Variants in GAS1 observed in about 807,000 individuals in gnomAD.
The protein encoded by GAS1 is growth arrest specific 1, also known as growth arrest-specific protein 1.
Under a neutral mutation model 21.6 loss-of-function variants are expected in GAS1, and 10 were observed. The observed-to-expected ratio is 0.46, with a 90% CI of 0.29 to 0.79. The LOEUF (loss-of-function observed/expected upper bound fraction) is 0.79. Among genes scored for constraint, GAS1 ranks in the 30% least tolerant of loss-of-function variants. The pLI is 0.10. For missense variants in GAS1, 567 were observed against 544.3 expected, an observed-to-expected ratio of 1.04 and a Z score of -0.42; for synonymous variants, 332 against 264.0, an observed-to-expected ratio of 1.26 and a Z score of -2.50.
chr9:86,944,685 T>A lies in GAS1; in HGVS notation c.*1057A>T, dbSNP rs943300944. The A allele has an allele frequency of 5.9e-5, 9 of 152,318 alleles. No homozygotes were observed. The East Asian group carries it at 1.5e-3, about 26-fold the overall frequency. 9.4% of individuals were successfully genotyped at this position (152,318 alleles called of 1,614,324 possible). On this transcript the variant is annotated 3_prime_UTR_variant, in exon 1 of 1. Transcript: ENST00000298743. ...CTATACATTTCAGGGGGGAAAGGTG[T>A]AATATGGATGTGAGTTTAAAACTTT...
Position 86,946,784 on chromosome 9 carries a change from G to T in GAS1, c.-5C>A. On this transcript the variant is annotated 5_prime_UTR_variant, in exon 1 of 1. Coordinates refer to ENST00000298743, the MANE Select transcript of GAS1 (RefSeq NM_002048.3). The surrounding 1 kb of genome is among the most constrained non-coding windows in gnomAD (Gnocchi z 5.2). ...GCCCAGCAGCGCGGCCACCATCGCG[G>T]GCAGCGGCGGCCGCCGGGAGAGGAG... The T allele has an allele frequency of 1.1e-6, 1 of 894,554 alleles. No homozygotes were observed. 55.4% of individuals were successfully genotyped at this position (894,554 alleles called of 1,614,324 possible).
At position 86,945,898 on chromosome 9, in the gene GAS1, C is replaced by T. The variant is rs1417779690; in HGVS notation, c.882G>A (p.Pro294=). The T allele has an allele frequency of 2.0e-6, 3 of 1,527,924 alleles. No individual in the cohort carries two copies. The highest frequency in any genetic ancestry group is 2.5e-5 in the East Asian group (1 of 39,544). The allele number at this position is 1,527,924 out of a possible 1,614,324, so 94.6% of individuals were successfully genotyped here. ...ATGCAGCAGCGCCGCTGCCCGGGCG[C>T]GGTGGGTGCGGGACGCCGTCGTCGT... The part of the protein sequence containing the change: ...LDDDDGVPHP[P]RPGSGAAASG... Residue 294 remains proline (P), a synonymous_variant, in exon 1 of 1, where the codon CCG becomes CCA. Transcript: ENST00000298743.
At position 86,946,552 on chromosome 9, in the gene GAS1, C is replaced by T. The variant is rs1825494300; in HGVS notation, c.228G>A (p.Leu76=). ...NQYAEACAPV[L]AQHGGGDAPG... is the part of the protein sequence containing the mutation. ...GCGCGTCGCCCCCGCCGTGCTGCGC[C>T]AGCACCGGCGCGCACGCCTCGGCGT... Residue 76 remains leucine (L), a synonymous_variant, in exon 1 of 1, where the codon CTG becomes CTA. Coordinates refer to ENST00000298743, the MANE Select transcript of GAS1 (RefSeq NM_002048.3). The surrounding 1 kb of genome is among the most constrained non-coding windows in gnomAD (Gnocchi z 5.2). The T allele has an allele frequency of 7.2e-7, 1 of 1,394,862 alleles. No homozygotes were observed. 86.4% of individuals were successfully genotyped at this position (1,394,862 alleles called of 1,614,324 possible).
rs1171127074 is a variant in GAS1 at position 86,947,268 on chromosome 9, GC to G, written c.-490del. 6.6e-6 allele frequency: 1 copy of G among 151,824 alleles called. No homozygotes were observed. The highest frequency in any genetic ancestry group is 1.5e-5 in the Non-Finnish European group (1 of 68,076). The allele number at this position is 151,824 out of a possible 1,614,324, so 9.4% of individuals were successfully genotyped here. A position where few individuals can be genotyped will look rare whatever the true frequency, so the allele number is the denominator to read the frequency against. ...CACCGCCGCCGCGGTCTCTCGCATC[GC>G]GCCGCTTCCTGGCCCGGCGTCCGCG... On this transcript the variant is annotated 5_prime_UTR_variant, in exon 1 of 1. Transcript: ENST00000298743.
Position 86,946,093 on chromosome 9 carries a change from C to G in GAS1, c.687G>C (p.Arg229=), listed in dbSNP as rs1563988714. The G allele has an allele frequency of 6.2e-7, 1 of 1,608,026 alleles. No homozygotes were observed. Among genetic ancestry groups the G allele is most frequent in the Non-Finnish European group, 8.5e-7 (1 of 1,179,630 alleles). Residue 229 remains arginine, a synonymous_variant, in exon 1 of 1, where the codon CGG becomes CGC. Coordinates refer to ENST00000298743, the MANE Select transcript of GAS1 (RefSeq NM_002048.3). The surrounding 1 kb of genome is among the most constrained non-coding windows in gnomAD (Gnocchi z 5.2). ...TCTCCTTGACCGACTCGCAGATGGG[C>G]CGCTCGAGGCCGTCGCACACGCAGT... is the stretch of plus-strand genomic sequence containing the variant. ...LNDCVCDGLE[R]PICESVKENM...
At position 86,947,310 on chromosome 9, in the gene GAS1, C is replaced by A. The variant is rs943065524; in HGVS notation, c.-531G>T. On this transcript the variant is annotated 5_prime_UTR_variant, in exon 1 of 1. Coordinates refer to ENST00000298743, the MANE Select transcript of GAS1 (RefSeq NM_002048.3). ...GGCGTCCGCGCGCTGCCCGCCTTCC[C>A]GCGGCCCGGCCGCCCCGCGTCCCCT... The A allele has an allele frequency of 8.7e-4, 132 of 152,356 alleles. No individual in the cohort carries two copies. Among genetic ancestry groups the A allele is most frequent in the Non-Finnish European group, 1.8e-3 (123 of 68,268 alleles). 9.4% of individuals were successfully genotyped at this position (152,356 alleles called of 1,614,324 possible). A position where few individuals can be genotyped will look rare whatever the true frequency, so the allele number is the denominator to read the frequency against.
In GAS1 at chr9:86,946,145, G is replaced by A. The variant is rs768276315; in HGVS notation, c.635C>T (p.Ala212Val). ...GTTGAGCAGCGCCGCCTTGGGCATA[G>A]CCAGCATGTCCTCAATGACGGTGCG... is the stretch of plus-strand genomic sequence containing the variant. ...ECRTVIEDML[A>V]MPKAALLNDC... is the part of the protein sequence containing the mutation. The change falls in exon 1 of 1, where the codon GCT becomes GTT. Residue 212 changes from alanine (A) to valine (V), a missense_variant. Physicochemically the swap from Ala to Val is moderately conservative, Grantham distance 64 (BLOSUM62 0). Coordinates refer to ENST00000298743, the MANE Select transcript of GAS1 (RefSeq NM_002048.3). The surrounding 1 kb of genome is among the most constrained non-coding windows in gnomAD (Gnocchi z 5.2). The A allele has an allele frequency of 2.5e-6, 4 of 1,608,968 alleles. No homozygotes were observed. The highest frequency in any genetic ancestry group is 1.3e-5 in the African/African-American group (1 of 74,994).
In GAS1 at chr9:86,946,702, C is replaced by G. The variant is rs1228762088; in HGVS notation, c.78G>C (p.Ala26=). 1 of 1,403,446 alleles carries G rather than the reference C, an allele frequency of 7.1e-7. No individual in the cohort carries two copies. Among genetic ancestry groups the G allele is most frequent in the East Asian group, 3.2e-5 (1 of 31,148 alleles). 86.9% of individuals were successfully genotyped at this position (1,403,446 alleles called of 1,614,324 possible). The change falls in exon 1 of 1, where the codon GCG becomes GCC. Residue 26 remains alanine, a synonymous_variant. Coordinates refer to ENST00000298743, the MANE Select transcript of GAS1 (RefSeq NM_002048.3). This position sits in a 1 kb window ranked among gnomAD's most constrained non-coding sequence, Gnocchi z 5.2. ...TVPGAWLCLM[A]LLQLLGSAPR... ...GCGCCGAGCCCAGCAGCTGCAGCAG[C>G]GCCATCAGGCACAGCCAGGCGCCCG...
chr9:86,945,319 A>G lies in GAS1; in HGVS notation c.*423T>C, dbSNP rs540185157. On this transcript the variant is annotated 3_prime_UTR_variant, in exon 1 of 1. Transcript: ENST00000298743. The stretch of plus-strand genomic sequence containing the variant: ...CCTCAAAGGAAATATGCTAATAGAC[A>G]GCCCCTTTGCAAATATAATTCCTCC... The G allele has an allele frequency of 6.3e-6, 1 of 157,900 alleles. No homozygotes were observed. Among genetic ancestry groups the G allele is most frequent in the Admixed American group, 6.5e-5 (1 of 15,456 alleles). The allele number at this position is 157,900 out of a possible 1,614,324, so 9.8% of individuals were successfully genotyped here. A position where few individuals can be genotyped will look rare whatever the true frequency, so the allele number is the denominator to read the frequency against.
rs1376813568 is a variant in GAS1 at position 86,944,724 on chromosome 9, AAAAT to A, written c.*1014_*1017del. 1 of 152,216 alleles carries A rather than the reference AAAAT, an allele frequency of 6.6e-6. No homozygotes were observed. Among genetic ancestry groups the A allele is most frequent in the East Asian group, 1.9e-4 (1 of 5,200 alleles). 9.4% of individuals were successfully genotyped at this position (152,216 alleles called of 1,614,324 possible). A position where few individuals can be genotyped will look rare whatever the true frequency, so the allele number is the denominator to read the frequency against. ...GTTTAAAACTTTTAATTTCTTTTTA[AAAAT>A]AAATTATTTCTGAAGCATACAATTT... is the stretch of plus-strand genomic sequence containing the variant. On this transcript the variant is annotated 3_prime_UTR_variant, in exon 1 of 1. Transcript: ENST00000298743.
In GAS1 at chr9:86,945,736, C is replaced by A; in HGVS notation, c.*6G>T. On this transcript the variant is annotated 3_prime_UTR_variant, in exon 1 of 1. Coordinates refer to ENST00000298743, the MANE Select transcript of GAS1 (RefSeq NM_002048.3). ...CTCCCGCAGCCAACGGCGGGGGGCG[C>A]GAGGGCTAAAAGAGCGGCCCAAGCA... 1.3e-6 allele frequency: 2 copies of A among 1,510,212 alleles called. No homozygotes were observed. The highest frequency in any genetic ancestry group is 1.8e-6 in the Non-Finnish European group (2 of 1,126,672). 93.6% of individuals were successfully genotyped at this position (1,510,212 alleles called of 1,614,324 possible). A position where few individuals can be genotyped will look rare whatever the true frequency, so the allele number is the denominator to read the frequency against.
At position 86,946,802 on chromosome 9, in the gene GAS1, G is replaced by A. The variant is rs1330182383; in HGVS notation, c.-23C>T. On this transcript the variant is annotated 5_prime_UTR_variant, in exon 1 of 1. Coordinates refer to ENST00000298743, the MANE Select transcript of GAS1 (RefSeq NM_002048.3). The surrounding 1 kb of genome is among the most constrained non-coding windows in gnomAD (Gnocchi z 5.2). ...CATCGCGGGCAGCGGCGGCCGCCGGGAGAGGAGGGGAAAGGAGACGAGGCG... is the reference window on the plus strand; with the variant it reads ...CATCGCGGGCAGCGGCGGCCGCCGGAAGAGGAGGGGAAAGGAGACGAGGCG... The A allele has an allele frequency of 5.5e-6, 4 of 721,558 alleles. No homozygotes were observed. The highest frequency in any genetic ancestry group is 8.1e-6 in the Non-Finnish European group (4 of 493,430). 44.7% of individuals were successfully genotyped at this position (721,558 alleles called of 1,614,324 possible). A position where few individuals can be genotyped will look rare whatever the true frequency, so the allele number is the denominator to read the frequency against.
Position 86,946,520 on chromosome 9 carries a change from GC to G in GAS1, c.259del (p.Ala87ProfsTer97). On this transcript the variant is annotated frameshift_variant, in exon 1 of 1. Transcript: ENST00000298743. LOFTEE classifies it high-confidence loss of function. The surrounding 1 kb of genome is among the most constrained non-coding windows in gnomAD (Gnocchi z 5.2). ...CGAGGCCGGGAAAGCGGCGGCGGCG[GC>G]CCCGGGCGCGTCGCCCCCGCCGTGC... is the stretch of plus-strand genomic sequence containing the variant. ...AQHGGGDAPG[A>X]AAAAFPASAA... 1 of 1,429,368 alleles carries G rather than the reference GC, an allele frequency of 7.0e-7. No homozygotes were observed. Among genetic ancestry groups the G allele is most frequent in the East Asian group, 3.1e-5 (1 of 32,088 alleles). The allele number at this position is 1,429,368 out of a possible 1,614,324, so 88.5% of individuals were successfully genotyped here. A position where few individuals can be genotyped will look rare whatever the true frequency, so the allele number is the denominator to read the frequency against.
In GAS1 at chr9:86,946,675, C is replaced by T; in HGVS notation, c.105G>A (p.Pro35=). The T allele has an allele frequency of 7.0e-7, 1 of 1,423,072 alleles. No individual in the cohort carries two copies. The highest frequency in any genetic ancestry group is 9.2e-7 in the Non-Finnish European group (1 of 1,087,772). 88.2% of individuals were successfully genotyped at this position (1,423,072 alleles called of 1,614,324 possible). ...GGCCGTGCGCCAGCCCCGATCCCCG[C>T]GGCGCCGAGCCCAGCAGCTGCAGCA... is the stretch of plus-strand genomic sequence containing the variant. ...MALLQLLGSA[P]RGSGLAHGRR... Residue 35 remains proline (P), a synonymous_variant, in exon 1 of 1, where the codon CCG becomes CCA. Transcript: ENST00000298743. This position sits in a 1 kb window ranked among gnomAD's most constrained non-coding sequence, Gnocchi z 5.2.
In GAS1 at chr9:86,946,378, C is replaced by G. The variant is rs771173456; in HGVS notation, c.402G>C (p.Glu134Asp). The G allele has an allele frequency of 6.8e-7, 1 of 1,477,394 alleles. No homozygotes were observed. The highest frequency in any genetic ancestry group is 1.3e-5 in the South Asian group (1 of 79,402). 91.5% of individuals were successfully genotyped at this position (1,477,394 alleles called of 1,614,324 possible). A position where few individuals can be genotyped will look rare whatever the true frequency, so the allele number is the denominator to read the frequency against. Residue 134 changes from glutamate to aspartate, a missense_variant, in exon 1 of 1, where the codon GAG (glutamate) becomes GAC (aspartate). Transcript: ENST00000298743. This position sits in a 1 kb window ranked among gnomAD's most constrained non-coding sequence, Gnocchi z 5.2. ...ALEDCDCAQD[E>D]NCKSTKRAIE... ...TGGCGCGCTTGGTGGACTTGCAGTT[C>G]TCGTCCTGCGCGCAGTCACAGTCCT... is the stretch of plus-strand genomic sequence containing the variant.
chr9:86,946,701 G>A lies in GAS1; in HGVS notation c.79C>T (p.Leu27=). 2 of 1,403,890 alleles carry A rather than the reference G, an allele frequency of 1.4e-6. No individual in the cohort carries two copies. The highest frequency in any genetic ancestry group is 2.6e-4 in the Middle Eastern group (1 of 3,876). The allele number at this position is 1,403,890 out of a possible 1,614,324, so 87.0% of individuals were successfully genotyped here. A position where few individuals can be genotyped will look rare whatever the true frequency, so the allele number is the denominator to read the frequency against. ...GGCGCCGAGCCCAGCAGCTGCAGCA[G>A]CGCCATCAGGCACAGCCAGGCGCCC... ...VPGAWLCLMA[L]LQLLGSAPRG... Residue 27 remains leucine (L), a synonymous_variant, in exon 1 of 1, where the codon CTG becomes TTG. Transcript: ENST00000298743. This position sits in a 1 kb window ranked among gnomAD's most constrained non-coding sequence, Gnocchi z 5.2.
chr9:86,945,893 G>T lies in GAS1; in HGVS notation c.887C>A (p.Pro296Gln). The change falls in exon 1 of 1, where the codon CCG becomes CAG. Residue 296 changes from proline (P) to glutamine (Q), a missense_variant. Coordinates refer to ENST00000298743, the MANE Select transcript of GAS1 (RefSeq NM_002048.3). ...DDDGVPHPPRPGSGAAASGGR... is the reference protein window; with the variant it reads ...DDDGVPHPPRQGSGAAASGGR... ...GCCCGATGCAGCAGCGCCGCTGCCC[G>T]GGCGCGGTGGGTGCGGGACGCCGTC... The T allele has an allele frequency of 6.6e-7, 1 of 1,518,270 alleles. No homozygotes were observed. The highest frequency in any genetic ancestry group is 2.6e-5 in the East Asian group (1 of 39,162). 94.0% of individuals were successfully genotyped at this position (1,518,270 alleles called of 1,614,324 possible).
rs1187610213 is a variant in GAS1 at position 86,946,102 on chromosome 9, G to A, written c.678C>T (p.Gly226=). 1 of 1,608,650 alleles carries A rather than the reference G, an allele frequency of 6.2e-7. No homozygotes were observed. The highest frequency in any genetic ancestry group is 8.5e-7 in the Non-Finnish European group (1 of 1,179,648). The part of the protein sequence containing the change: ...AALLNDCVCD[G]LERPICESVK... ...CCGACTCGCAGATGGGCCGCTCGAGGCCGTCGCACACGCAGTCGTTGAGCA... is the reference window on the plus strand; with the variant it reads ...CCGACTCGCAGATGGGCCGCTCGAGACCGTCGCACACGCAGTCGTTGAGCA... Residue 226 remains glycine, a synonymous_variant, in exon 1 of 1, where the codon GGC becomes GGT. Coordinates refer to ENST00000298743, the MANE Select transcript of GAS1 (RefSeq NM_002048.3). This position sits in a 1 kb window ranked among gnomAD's most constrained non-coding sequence, Gnocchi z 5.2.
Position 86,946,527 on chromosome 9 carries a change from G to A in GAS1, c.253C>T (p.Pro85Ser), listed in dbSNP as rs1825493240. 1 of 1,425,468 alleles carries A rather than the reference G, an allele frequency of 7.0e-7. No homozygotes were observed. 88.3% of individuals were successfully genotyped at this position (1,425,468 alleles called of 1,614,324 possible). A position where few individuals can be genotyped will look rare whatever the true frequency, so the allele number is the denominator to read the frequency against. ...VLAQHGGGDA[P>S]GAAAAAFPAS... ...GGGAAAGCGGCGGCGGCGGCCCCGGGCGCGTCGCCCCCGCCGTGCTGCGCC... is the reference window on the plus strand; with the variant it reads ...GGGAAAGCGGCGGCGGCGGCCCCGGACGCGTCGCCCCCGCCGTGCTGCGCC... Residue 85 changes from proline to serine, a missense_variant, in exon 1 of 1, where the codon CCC (proline) becomes TCC (serine). By Grantham distance (74) the Pro-to-Ser change is moderately conservative. Coordinates refer to ENST00000298743, the MANE Select transcript of GAS1 (RefSeq NM_002048.3). This position sits in a 1 kb window ranked among gnomAD's most constrained non-coding sequence, Gnocchi z 5.2.
Sources: gnomAD v4.1 joint callset for allele counts on GRCh38, gnomAD v4.1.1 for gene constraint, Gnocchi (gnomAD v3.1) non-coding constraint, MANE v1.5 for transcripts, NCBI Gene and HGNC (gene_info 2026-07-23, HGNC 2026-07-21) for gene names.